The following PTPRT variants were observed in gnomAD, a reference collection of about 807,000 sequenced individuals.
The protein encoded by PTPRT is protein tyrosine phosphatase receptor type T.
In PTPRT, 56 loss-of-function variants were observed where a neutral mutation model predicts 176.8. The ratio of observed to expected loss-of-function variants is 0.32; its 90% CI spans 0.26 to 0.40. The LOEUF is 0.40. Ranked by LOEUF, PTPRT falls within the 10% of genes least tolerant of loss-of-function variation. The pLI, the probability that PTPRT is intolerant of heterozygous loss-of-function variation, is 1.00. For synonymous variants in PTPRT, 783 were observed against 739.0 expected, an observed-to-expected ratio of 1.06 and a Z score of -0.96; for missense variants, 1,540 against 1,908.2, an observed-to-expected ratio of 0.81 and a Z score of 3.60.
chr20:42,437,659 A>G (rs1281177601), intron 9 of PTPRT, among the ~76,000 whole-genome samples: 1 of 152,102 alleles, frequency 6.6e-6, no homozygotes, highest in Non-Finnish European at 1.5e-5. Context: ...TCTCTTGGTA[A>G]AGAGTAAGAA....
intron 12 of PTPRT, among the ~76,000 whole-genome samples, chr20:42,302,031 A>T (rs1175518075): frequency 6.6e-6 from 1 of 152,178 alleles, no homozygotes; most frequent in Non-Finnish European, 1.5e-5. Flanking sequence ...AAATTGAGAC[A>T]TTCAAATTTT....
chr20:43,128,434 A>C (rs1029268193), intron 1 of PTPRT, among the ~76,000 whole-genome samples: 2 of 152,224 alleles, frequency 1.3e-5, no homozygotes, highest in African/African-American at 4.8e-5. Flanking sequence ...TCCCTACGAC[A>C]AATAAGCAAT....
At chr20:42,911,757 G>C (rs1367780223) in intron 1 of PTPRT, among the ~76,000 whole-genome samples, 1 of 152,096 alleles carries the variant, frequency 6.6e-6, no homozygotes, top group African/African-American at 2.4e-5. Context: ...TTCATACTGT[G>C]ATCTATGGCT....
intron 1 of PTPRT, among the ~76,000 whole-genome samples, chr20:43,179,317 C>T (rs2015193003): frequency 1.3e-5 from 2 of 152,282 alleles, no homozygotes; most frequent in Admixed American, 1.3e-4. Flanking sequence ...ATTGCTATAA[C>T]TTATCATATT....
At chr20:42,785,176 C>T (rs1251235130) in intron 3 of PTPRT, among the ~76,000 whole-genome samples, 1 of 152,182 alleles carries the variant, frequency 6.6e-6, no homozygotes, top group Admixed American at 6.5e-5. Context: ...CAAGCCCCTG[C>T]TTTCCCAAGA....
intron 1 of PTPRT, among the ~76,000 whole-genome samples, chr20:43,009,920 G>C (rs954954524): frequency 6.6e-6 from 1 of 152,078 alleles, no homozygotes; most frequent in African/African-American, 2.4e-5. Context: ...CTGCCTGATA[G>C]ATTTCACCAA....
intron 13 of PTPRT, among the ~76,000 whole-genome samples, chr20:42,263,491 C>T (rs571332548): frequency 6.8e-6 from 1 of 146,588 alleles, no homozygotes; most frequent in South Asian, 2.2e-4. Flanking sequence ...AGTGATTCTC[C>T]TGCCTCAGCC....
chr20:42,622,911 T>G (rs890742963), intron 7 of PTPRT, among the ~76,000 whole-genome samples: 2 of 152,198 alleles, frequency 1.3e-5, no homozygotes, highest in Non-Finnish European at 2.9e-5. Context: ...TTCCTGTTTT[T>G]GCATCCAAAA....
intron 1 of PTPRT, among the ~76,000 whole-genome samples, chr20:42,896,385 C>T (rs138236426): frequency 9.9e-4 from 150 of 152,168 alleles, no homozygotes; most frequent in African/African-American, 3.4e-3. Context: ...GCCTGTAATC[C>T]CAGCACTTTG....
chr20:43,004,738 C>T (rs982387437), intron 1 of PTPRT, among the ~76,000 whole-genome samples: 4 of 152,202 alleles, frequency 2.6e-5, no homozygotes, highest in South Asian at 4.1e-4. Context: ...GCATCACCAA[C>T]ATTTTTCATC....
At chr20:42,548,500 T>A (rs1370937354) in intron 7 of PTPRT, among the ~76,000 whole-genome samples, 3 of 151,998 alleles carry the variant, frequency 2.0e-5, no homozygotes, top group Non-Finnish European at 4.4e-5. Context: ...TTCAAATGGA[T>A]CAAATAACAA....
chr20:42,053,602 A>G, the PTPRT span, among the ~76,000 whole-genome samples: 1 of 152,202 alleles, frequency 6.6e-6, no homozygotes, highest in Admixed American at 6.5e-5. Context: ...AACAAGATGC[A>G]TGGAGGAGAG....
In PTPRT at chr20:42,194,738, C is replaced by A. The variant is rs191044024; in HGVS notation, c.2491+4502G>T. 1.9e-3 allele frequency among the ~76,000 whole-genome samples: 282 copies of A among 152,234 alleles called. 2 individuals are homozygous for A. Among genetic ancestry groups the A allele is most frequent in the African/African-American group, 6.4e-3 (266 of 41,526 alleles). Reference sequence around the variant, plus strand: ...ATGGAAAACAATGCACGTTGTTTGTCCTTGAAATGTGACACGTACTCCTTT... The same window carrying A: ...ATGGAAAACAATGCACGTTGTTTGTACTTGAAATGTGACACGTACTCCTTT... On this transcript the variant is annotated intron_variant, in intron 16 of 30. Coordinates refer to ENST00000373187, the MANE Select transcript of PTPRT (RefSeq NM_007050.6).
intron 6 of PTPRT, among the ~76,000 whole-genome samples, chr20:42,709,693 G>T (rs1046406907): frequency 6.6e-6 from 1 of 152,128 alleles, no homozygotes; most frequent in African/African-American, 2.4e-5. Flanking sequence ...ATGTTGAACT[G>T]GTTTTTGAAC....
At chr20:42,385,850 C>G (rs1448313088) in intron 9 of PTPRT, among the ~76,000 whole-genome samples, 2 of 152,248 alleles carry the variant, frequency 1.3e-5, no homozygotes, top group Admixed American at 6.5e-5. Context: ...CACCTGCCCC[C>G]CTCCATGGAC....
At chr20:42,565,019 A>G (rs2057040902) in intron 7 of PTPRT, among the ~76,000 whole-genome samples, 1 of 152,116 alleles carries the variant, frequency 6.6e-6, no homozygotes, top group South Asian at 2.1e-4. Context: ...TTGCAGAGGA[A>G]TCAGACAGTC....
intron 15 of PTPRT, among the ~76,000 whole-genome samples, chr20:42,233,353 G>A (rs182784915): frequency 2.0e-5 from 3 of 152,240 alleles, no homozygotes; most frequent in East Asian, 1.9e-4. Flanking sequence ...ACCCCAAGAC[G>A]TCTCCATTTC....
At chr20:42,205,154 G>A (rs1199550520) in intron 15 of PTPRT, among the ~76,000 whole-genome samples, 2 of 151,786 alleles carry the variant, frequency 1.3e-5, no homozygotes, top group African/African-American at 4.8e-5. Flanking sequence ...CACCAACATG[G>A]CACAACGAAG....
intron 1 of PTPRT, among the ~76,000 whole-genome samples, chr20:43,130,447 T>C (rs2013609150): frequency 6.6e-6 from 1 of 151,830 alleles, no homozygotes; most frequent in Admixed American, 6.5e-5. Context: ...GCCAAACCCA[T>C]GACCTACACA....
Sources: gnomAD v4.1 joint callset for allele counts (sites outside exome capture counted in the v4.1 genomes callset) on GRCh38, gnomAD v4.1.1 for gene constraint, MANE v1.5 for transcripts, NCBI Gene and HGNC (gene_info 2026-07-23, HGNC 2026-07-21) for gene names.